The following ADAM30 variants were observed in gnomAD, a reference collection of about 807,000 sequenced individuals.
ADAM30 encodes disintegrin and metalloproteinase domain-containing protein 30.
For synonymous variants in ADAM30, 382 were observed against 340.9 expected, an observed-to-expected ratio of 1.12 and a Z score of -1.33; for missense variants, 960 against 959.4, an observed-to-expected ratio of 1.00 and a Z score of -0.01.
chr1:119,894,193 T>A lies in ADAM30; in HGVS notation c.2144A>T (p.His715Leu). ...FVFFRQVIGN[H>L]LKPKQEKMPL... Reference sequence around the variant, plus strand: ...CATTTTTTCCTGTTTGGGTTTTAAGTGGTTTCCTATCACTTGCCGGAAAAA... The same window carrying A: ...CATTTTTTCCTGTTTGGGTTTTAAGAGGTTTCCTATCACTTGCCGGAAAAA... Residue 715 changes from histidine to leucine, a missense_variant, in exon 1 of 1, where the codon CAC (histidine) becomes CTC (leucine). Coordinates refer to ENST00000369400, the MANE Select transcript of ADAM30 (RefSeq NM_021794.4). The A allele has an allele frequency of 6.2e-7, 1 of 1,613,464 alleles. No individual in the cohort carries two copies. Among genetic ancestry groups the A allele is most frequent in the South Asian group, 1.1e-5 (1 of 90,766 alleles).
At position 119,894,143 on chromosome 1, in the gene ADAM30, G is replaced by C; in HGVS notation, c.2194C>G (p.Gln732Glu). The C allele has an allele frequency of 1.9e-6, 3 of 1,613,570 alleles. No individual in the cohort carries two copies. The highest frequency in any genetic ancestry group is 2.5e-6 in the Non-Finnish European group (3 of 1,179,898). ...ACAGTTTTTGTTTTAGATTCTTCCT[G>C]TTCAGTTTTTGCTTTGGATAGTGGC... The part of the protein sequence containing the change: ...KMPLSKAKTE[Q>E]EESKTKTVQE... The change falls in exon 1 of 1, where the codon CAG becomes GAG. Residue 732 changes from glutamine to glutamate, a missense_variant. Physicochemically the swap from Gln to Glu is conservative, Grantham distance 29 (BLOSUM62 2). Transcript: ENST00000369400.
At position 119,894,394 on chromosome 1, in the gene ADAM30, T is replaced by G; in HGVS notation, c.1943A>C (p.Lys648Thr). Residue 648 changes from lysine to threonine, a missense_variant, in exon 1 of 1, where the codon AAA becomes ACA. Transcript: ENST00000369400. ...CNTRGVCNNR[K>T]NCHCMYGWAP... ...CCACCCATACATGCAGTGGCAGTTT[T>G]TTCTGTTGTTGCAAACACCCCGGGT... 6.2e-7 allele frequency: 1 copy of G among 1,614,184 alleles called. No individual in the cohort carries two copies. Among genetic ancestry groups the G allele is most frequent in the Non-Finnish European group, 8.5e-7 (1 of 1,180,038 alleles).
In ADAM30 at chr1:119,893,999, G is replaced by A. The variant is rs146585645; in HGVS notation, c.2338C>T (p.Pro780Ser). 2 of 1,612,810 alleles carry A rather than the reference G, an allele frequency of 1.2e-6. No individual in the cohort carries two copies. The highest frequency in any genetic ancestry group is 2.7e-5 in the African/African-American group (2 of 74,702). Residue 780 changes from proline (P) to serine (S), a missense_variant, in exon 1 of 1, where the codon CCC (proline) becomes TCC (serine). Pro to Ser is a moderately conservative substitution (Grantham distance 74). Coordinates refer to ENST00000369400, the MANE Select transcript of ADAM30 (RefSeq NM_021794.4). ...ESKANIESKRPKAKSVKKQKK is the reference protein window; with the variant it reads ...ESKANIESKRSKAKSVKKQKK ...TGTTTCTTGACACTCTTTGCTTTGG[G>A]TCGTTTACTTTCAATGTTTGCTTTA... is the stretch of plus-strand genomic sequence containing the variant.
Position 119,894,972 on chromosome 1 carries a change from GTA to G in ADAM30, c.1363_1364del (p.Tyr455ArgfsTer3). On this transcript the variant is annotated frameshift_variant, in exon 1 of 1. Coordinates refer to ENST00000369400, the MANE Select transcript of ADAM30 (RefSeq NM_021794.4). LOFTEE classifies it low-confidence loss of function (END_TRUNC). Reference protein sequence around the residue: ...CHDCRFRPSGYVCRQEGNECD... With the variant: ...CHDCRFRPSGXVCRQEGNECD... ...ATTCATTTCCTTCCTGCCTACACACGTATCCAGATGGACGAAACCGACAATCA... is the reference window on the plus strand; with the variant it reads ...ATTCATTTCCTTCCTGCCTACACACGTCCAGATGGACGAAACCGACAATCA... The G allele has an allele frequency of 1.2e-6, 2 of 1,614,162 alleles. No individual in the cohort carries two copies. Among genetic ancestry groups the G allele is most frequent in the Non-Finnish European group, 8.5e-7 (1 of 1,180,024 alleles).
At position 119,895,740 on chromosome 1, in the gene ADAM30, A is replaced by G; in HGVS notation, c.597T>C (p.Tyr199=). Residue 199 remains tyrosine, a synonymous_variant, in exon 1 of 1, where the codon TAT becomes TAC. Transcript: ENST00000369400. ...TCAATTCCAAGTACTTTGGGTGTTT[A>G]TAGGATCCAGGAAAGTCCCTTAGCC... The part of the protein sequence containing the change: ...KARLRDFPGS[Y]KHPKYLELIL... 1.2e-6 allele frequency: 2 copies of G among 1,614,068 alleles called. No homozygotes were observed. The highest frequency in any genetic ancestry group is 1.7e-6 in the Non-Finnish European group (2 of 1,180,012).
At position 119,896,468 on chromosome 1, in the gene ADAM30, G is replaced by T; in HGVS notation, c.-132C>A. 7.2e-7 allele frequency: 1 copy of T among 1,389,796 alleles called. No homozygotes were observed. Among genetic ancestry groups the T allele is most frequent in the Non-Finnish European group, 9.4e-7 (1 of 1,064,000 alleles). 86.1% of individuals were successfully genotyped at this position (1,389,796 alleles called of 1,614,324 possible). A position where few individuals can be genotyped will look rare whatever the true frequency, so the allele number is the denominator to read the frequency against. ...GGCTCCCCTGGCAGGGTTTCCGGGG[G>T]AGCCCGTAGCCTCCCAGGGCTCGGT... On this transcript the variant is annotated 5_prime_UTR_variant, in exon 1 of 1. Transcript: ENST00000369400.
rs1571134398 is a variant in ADAM30, at chr1:119,893,856, A to G, written c.*108T>C. 1 of 1,512,058 alleles carries G rather than the reference A, an allele frequency of 6.6e-7. No individual in the cohort carries two copies. The highest frequency in any genetic ancestry group is 1.4e-5 in the South Asian group (1 of 71,962). 93.7% of individuals were successfully genotyped at this position (1,512,058 alleles called of 1,614,324 possible). On this transcript the variant is annotated 3_prime_UTR_variant, in exon 1 of 1. Transcript: ENST00000369400. ...TTATTTGCTGATCAAAACTTGTGGG[A>G]AAAATTAAAGTAAAAAAATATTGGG...
rs953551850 is a variant in ADAM30, at chr1:119,893,665, A to G, written c.*299T>C. ...TTCTGAGAAACAAGACTATACCTTG[A>G]ATAGCATGGTAATTCTAGGAAACTC... On this transcript the variant is annotated 3_prime_UTR_variant, in exon 1 of 1. Transcript: ENST00000369400. 4.7e-6 allele frequency: 2 copies of G among 429,400 alleles called. No homozygotes were observed. The highest frequency in any genetic ancestry group is 2.0e-5 in the African/African-American group (1 of 49,808). The allele number at this position is 429,400 out of a possible 1,614,324, so 26.6% of individuals were successfully genotyped here.
chr1:119,894,622 G>C lies in ADAM30; in HGVS notation c.1715C>G (p.Thr572Arg), dbSNP rs367708640. The change falls in exon 1 of 1, where the codon ACG becomes AGG. Residue 572 changes from threonine (T) to arginine (R), a missense_variant. Transcript: ENST00000369400. Reference protein sequence around the residue: ...VETIPDLPEHTTIISTHLQAE... With the variant: ...VETIPDLPEHRTIISTHLQAE... ...CTGTAAATGAGTAGAAATTATAGTC[G>C]TATGCTCTGGCAAATCAGGGATGGT... 1.9e-6 allele frequency: 3 copies of C among 1,613,944 alleles called. No individual in the cohort carries two copies. In the African/African-American group the frequency reaches 4.0e-5, roughly 22 times the overall value.
At position 119,894,720 on chromosome 1, in the gene ADAM30, T is replaced by A. The variant is rs1180057482; in HGVS notation, c.1617A>T (p.Thr539=). The A allele has an allele frequency of 1.9e-6, 3 of 1,614,224 alleles. No individual in the cohort carries two copies. The highest frequency in any genetic ancestry group is 2.5e-6 in the Non-Finnish European group (3 of 1,180,010). ...CACACTTTTTAAAATTTCGAATTCC[T>A]GTAATCTCACAGTTACCAAATTGAT... ...IGDQFGNCEI[T]GIRNFKKCES... The change falls in exon 1 of 1, where the codon ACA becomes ACT. Residue 539 remains threonine (T), a synonymous_variant. Coordinates refer to ENST00000369400, the MANE Select transcript of ADAM30 (RefSeq NM_021794.4).
At position 119,893,798 on chromosome 1, in the gene ADAM30, T is replaced by C. The variant is rs141291286; in HGVS notation, c.*166A>G. ...GCAAGTGAACACTCGAGAAGTAGAA[T>C]GCACTGGTTTGTTTCCAAAACAAGA... On this transcript the variant is annotated 3_prime_UTR_variant, in exon 1 of 1. Coordinates refer to ENST00000369400, the MANE Select transcript of ADAM30 (RefSeq NM_021794.4). 3.2e-5 allele frequency: 43 copies of C among 1,357,766 alleles called. No individual in the cohort carries two copies. The African/African-American group carries it at 3.2e-4, about 10-fold the overall frequency. The allele number at this position is 1,357,766 out of a possible 1,614,324, so 84.1% of individuals were successfully genotyped here.
Position 119,895,892 on chromosome 1 carries a change from G to A in ADAM30, c.445C>T (p.Leu149Phe). 2.5e-6 allele frequency: 4 copies of A among 1,614,136 alleles called. No individual in the cohort carries two copies. The highest frequency in any genetic ancestry group is 2.2e-5 in the East Asian group (1 of 44,880). The change falls in exon 1 of 1, where the codon CTC becomes TTC. Residue 149 changes from leucine (L) to phenylalanine (F), a missense_variant. Physicochemically the swap from Leu to Phe is conservative, Grantham distance 22 (BLOSUM62 0). Transcript: ENST00000369400. ...IDAKHYQIEP[L>F]KASPSFEHVV... Reference sequence around the variant, plus strand: ...TGTTCAAAACTGGGAGAGGCCTTGAGGGGCTCAATTTGGTAATGTTTGGCA... The same window carrying A: ...TGTTCAAAACTGGGAGAGGCCTTGAAGGGCTCAATTTGGTAATGTTTGGCA...
chr1:119,894,188 T>A lies in ADAM30; in HGVS notation c.2149A>T (p.Lys717Ter). Reference sequence around the variant, plus strand: ...AGTGGCATTTTTTCCTGTTTGGGTTTTAAGTGGTTTCCTATCACTTGCCGG... The same window carrying A: ...AGTGGCATTTTTTCCTGTTTGGGTTATAAGTGGTTTCCTATCACTTGCCGG... ...FFRQVIGNHLKPKQEKMPLSK... is the reference protein window; with the variant it reads ...FFRQVIGNHL Residue 717 changes from lysine to a stop codon, truncating the protein, a stop_gained, in exon 1 of 1, where the codon AAA becomes TAA. Transcript: ENST00000369400. LOFTEE classifies it low-confidence loss of function (END_TRUNC). The A allele has an allele frequency of 6.2e-7, 1 of 1,613,504 alleles. No homozygotes were observed.
At position 119,894,415 on chromosome 1, in the gene ADAM30, C is replaced by A. The variant is rs377010184; in HGVS notation, c.1922G>T (p.Arg641Leu). ...FDCLPEKCNT[R>L]GVCNNRKNCH... The stretch of plus-strand genomic sequence containing the variant: ...GTTTTTTCTGTTGTTGCAAACACCC[C>A]GGGTATTGCATTTCTCAGGCAAACA... Residue 641 changes from arginine (R) to leucine (L), a missense_variant, in exon 1 of 1, where the codon CGG becomes CTG. Transcript: ENST00000369400. 1.9e-6 allele frequency: 3 copies of A among 1,614,024 alleles called. No individual in the cohort carries two copies. In the South Asian group the frequency reaches 3.3e-5, roughly 18 times the overall value.
At position 119,896,342 on chromosome 1, in the gene ADAM30, G is replaced by A. The variant is rs374260612; in HGVS notation, c.-6C>T. ...AAGATCTGCACTGACCTCATGGTCT[G>A]TTCCCTACTCAGCCTCAGTTTGCTA... is the stretch of plus-strand genomic sequence containing the variant. On this transcript the variant is annotated 5_prime_UTR_variant, in exon 1 of 1. Coordinates refer to ENST00000369400, the MANE Select transcript of ADAM30 (RefSeq NM_021794.4). 14 of 1,542,890 alleles carry A rather than the reference G, an allele frequency of 9.1e-6. No homozygotes were observed. In the African/African-American group the frequency reaches 1.9e-4, roughly 21 times the overall value.
Position 119,896,283 on chromosome 1 carries a change from A to G in ADAM30, c.54T>C (p.Val18=). The stretch of plus-strand genomic sequence containing the variant: ...CAAGAGACTTAAGGAGCATTGTCGG[A>G]ACTAGTAGAAGGAGCAAACGGCATT... ...LSQCRLLLLL[V]PTMLLKSLGE... The change falls in exon 1 of 1, where the codon GTT becomes GTC. Residue 18 remains valine (V), a synonymous_variant. Transcript: ENST00000369400. 6.2e-7 allele frequency: 1 copy of G among 1,610,576 alleles called. No individual in the cohort carries two copies. Among genetic ancestry groups the G allele is most frequent in the Non-Finnish European group, 8.5e-7 (1 of 1,178,200 alleles).
Position 119,894,433 on chromosome 1 carries a change from G to C in ADAM30, c.1904C>G (p.Pro635Arg), listed in dbSNP as rs1648514804. 6.2e-7 allele frequency: 1 copy of C among 1,614,116 alleles called. No individual in the cohort carries two copies. Among genetic ancestry groups the C allele is most frequent in the Non-Finnish European group, 8.5e-7 (1 of 1,180,028 alleles). Residue 635 changes from proline to arginine, a missense_variant, in exon 1 of 1, where the codon CCT (proline) becomes CGT (arginine). Pro to Arg is a moderately radical substitution (Grantham distance 103, BLOSUM62 -2). Coordinates refer to ENST00000369400, the MANE Select transcript of ADAM30 (RefSeq NM_021794.4). The stretch of plus-strand genomic sequence containing the variant: ...AACACCCCGGGTATTGCATTTCTCA[G>C]GCAAACAGTCAAACTGCAGGACTGA... The part of the protein sequence containing the change: ...NSSVLQFDCL[P>R]EKCNTRGVCN...
Position 119,895,644 on chromosome 1 carries a change from A to G in ADAM30, c.693T>C (p.Ile231=). 1 of 1,614,114 alleles carries G rather than the reference A, an allele frequency of 6.2e-7. No individual in the cohort carries two copies. The highest frequency in any genetic ancestry group is 1.1e-5 in the South Asian group (1 of 91,072). ...NNLSQVIHDA[I]LLTGIMDTYF... is the part of the protein sequence containing the mutation. ...AGGTGTCCATAATCCCAGTCAAAAG[A>G]ATGGCATCATGTATGACTTGAGAAA... Residue 231 remains isoleucine, a synonymous_variant, in exon 1 of 1, where the codon ATT becomes ATC. Coordinates refer to ENST00000369400, the MANE Select transcript of ADAM30 (RefSeq NM_021794.4).
Position 119,895,796 on chromosome 1 carries a change from A to G in ADAM30, c.541T>C (p.Trp181Arg), listed in dbSNP as rs1452723435. 6.2e-7 allele frequency: 1 copy of G among 1,614,174 alleles called. No homozygotes were observed. Among genetic ancestry groups the G allele is most frequent in the Non-Finnish European group, 8.5e-7 (1 of 1,180,036 alleles). The change falls in exon 1 of 1, where the codon TGG becomes CGG. Residue 181 changes from tryptophan (W) to arginine (R), a missense_variant. Physicochemically the swap from Trp to Arg is moderately radical, Grantham distance 101 (BLOSUM62 -3). Coordinates refer to ENST00000369400, the MANE Select transcript of ADAM30 (RefSeq NM_021794.4). ...TTATTCTCATAAGGGGCCATCTGCC[A>G]TTCTATTTCATCATCACTTAAGCCA... Reference protein sequence around the residue: ...VCGLSDDEIEWQMAPYENKAR... With the variant: ...VCGLSDDEIERQMAPYENKAR...
Sources: gnomAD v4.1 joint callset for allele counts on GRCh38, gnomAD v4.1.1 for gene constraint, MANE v1.5 for transcripts, NCBI Gene and HGNC (gene_info 2026-07-23, HGNC 2026-07-21) for gene names.